FIGNL2: variants seen among roughly 807,000 people sequenced by gnomAD.
FIGNL2 encodes fidgetin-like protein 2.
For synonymous variants in FIGNL2, 565 were observed against 484.0 expected (o/e 1.17, Z -2.20); for missense variants, 1,060 against 950.2 (o/e 1.12, Z -1.52).
At chr12:51,845,029 AG>A (rs1306881236) in intron 1 of FIGNL2, 2 of 243,598 alleles carry the variant, frequency 8.2e-6, no homozygotes, top group Non-Finnish European at 1.3e-5. Context: ...CATGGGCTTC[AG>A]GGGATCCAAG....
chr12:51,821,762 C>T lies in FIGNL2; in HGVS notation c.652G>A (p.Ala218Thr). 6 of 1,280,410 alleles carry T rather than the reference C, an allele frequency of 4.7e-6. No homozygotes were observed. Among genetic ancestry groups the T allele is most frequent in the Non-Finnish European group, 5.9e-6 (6 of 1,020,280 alleles). 79.3% of individuals were successfully genotyped at this position (1,280,410 alleles called of 1,614,324 possible). The change falls in exon 2 of 2, where the codon GCG becomes ACG. Residue 218 changes from alanine (A) to threonine (T), a missense_variant. Physicochemically the swap from Ala to Thr is moderately conservative, Grantham distance 58. Coordinates refer to ENST00000618634, the MANE Select transcript of FIGNL2 (RefSeq NM_001384995.1). ...GGYAAQPGYG[A>T]LPPPPGPPPA... The stretch of plus-strand genomic sequence containing the variant: ...GGTGGGCCTGGGGGCGGCGGGAGCG[C>T]GCCATAGCCGGGCTGCGCTGCGTAG...
intron 1 of FIGNL2, chr12:51,845,462 C>T: frequency 1.2e-6 from 1 of 812,268 alleles, no homozygotes; most frequent in Non-Finnish European, 1.4e-6. Flanking sequence ...GGCTCACCGC[C>T]CCCCCCCCAC....
Position 51,821,234 on chromosome 12 carries a change from C to T in FIGNL2, c.1180G>A (p.Val394Met). The T allele has an allele frequency of 6.6e-7, 1 of 1,525,106 alleles. No individual in the cohort carries two copies. Among genetic ancestry groups the T allele is most frequent in the South Asian group, 1.2e-5 (1 of 83,302 alleles). The allele number at this position is 1,525,106 out of a possible 1,614,324, so 94.5% of individuals were successfully genotyped here. A position where few individuals can be genotyped will look rare whatever the true frequency, so the allele number is the denominator to read the frequency against. ...GCCTTGAGCGCGCCCTGGCCCGCCA[C>T]ATCCGCCCACTGCACCGGGGGCCCG... Reference protein sequence around the residue: ...DCGPPVQWADVAGQGALKAAL... With the variant: ...DCGPPVQWADMAGQGALKAAL... The change falls in exon 2 of 2, where the codon GTG (valine) becomes ATG (methionine). Residue 394 changes from valine to methionine, a missense_variant. Transcript: ENST00000618634.
chr12:51,832,730 C>T (rs1265022254), intron 1 of FIGNL2, among the ~76,000 whole-genome samples: 1 of 152,190 alleles, frequency 6.6e-6, no homozygotes, highest in East Asian at 1.9e-4. Context: ...AAACATAGTT[C>T]TCCAGCTGAG....
At position 51,848,614 on chromosome 12, in the gene FIGNL2, G is replaced by C. The variant is rs1939802756; in HGVS notation, c.-86C>G. On this transcript the variant is annotated 5_prime_UTR_variant, in exon 1 of 2. Coordinates refer to ENST00000618634, the MANE Select transcript of FIGNL2 (RefSeq NM_001384995.1). ...GTCCGGCCCGGGGACCGGGGCGGCGGCGCGGGCCGGGGGCGACAGGCCTGG... is the reference window on the plus strand; with the variant it reads ...GTCCGGCCCGGGGACCGGGGCGGCGCCGCGGGCCGGGGGCGACAGGCCTGG... 1 of 867,650 alleles carries C rather than the reference G, an allele frequency of 1.2e-6. No individual in the cohort carries two copies. Among genetic ancestry groups the C allele is most frequent in the African/African-American group, 1.8e-5 (1 of 54,580 alleles). 53.7% of individuals were successfully genotyped at this position (867,650 alleles called of 1,614,324 possible).
rs562407325 is a variant in FIGNL2 at position 51,847,690 on chromosome 12, G to A, written c.-12+850C>T. ...CTGGCGGGGGCAGGGGGACCAGCGG[G>A]GCTGGGGAAGGGCACCAGCATTTGC... is the stretch of plus-strand genomic sequence containing the variant. On this transcript the variant is annotated intron_variant, in intron 1 of 1. Transcript: ENST00000618634. 2.2e-4 allele frequency: 213 copies of A among 985,424 alleles called. 6 individuals are homozygous for A. The South Asian group carries it at 9.2e-3, about 42-fold the overall frequency. 61.0% of individuals were successfully genotyped at this position (985,424 alleles called of 1,614,324 possible).
chr12:51,846,475 A>T (rs755959529), intron 1 of FIGNL2, among the ~76,000 whole-genome samples: 7 of 152,346 alleles, frequency 4.6e-5, no homozygotes, highest in Non-Finnish European at 7.3e-5. Flanking sequence ...CAGGCAGGGC[A>T]GGGAGGGGAG....
At chr12:51,841,992 C>T (rs559807071) in intron 1 of FIGNL2, 4 of 152,352 alleles carry the variant, frequency 2.6e-5, no homozygotes, top group East Asian at 1.9e-4. Flanking sequence ...TGGAGGCACT[C>T]GGCACCAGAG....
chr12:51,826,344 A>G (rs2138979736), intron 1 of FIGNL2, among the ~76,000 whole-genome samples: 1 of 152,116 alleles, frequency 6.6e-6, no homozygotes, highest in South Asian at 2.1e-4. Context: ...TAATCTAACC[A>G]GGGGCCAGGC....
intron 1 of FIGNL2, chr12:51,846,990 G>A: frequency 2.2e-6 from 1 of 448,366 alleles, no homozygotes; most frequent in South Asian, 9.6e-5. Context: ...AGCAAGCCCC[G>A]CCCCTTTCCT....
chr12:51,841,441 C>G (rs1939659202), intron 1 of FIGNL2: 1 of 152,244 alleles, frequency 6.6e-6, no homozygotes, highest in South Asian at 2.1e-4. Context: ...CAAGCTGGGA[C>G]AGATGCCACC....
intron 1 of FIGNL2, among the ~76,000 whole-genome samples, chr12:51,825,619 C>CT (rs770930359): frequency 0.09 from 12,187 of 134,756 alleles, 844 homozygotes; most frequent in East Asian, 0.35. Context: ...CCATGACACT[C>CT]TTTTTTTTTT....
In FIGNL2 at chr12:51,822,008, C is replaced by T. The variant is rs1170643625; in HGVS notation, c.406G>A (p.Ala136Thr). 3 of 1,595,384 alleles carry T rather than the reference C, an allele frequency of 1.9e-6. No individual in the cohort carries two copies. Among genetic ancestry groups the T allele is most frequent in the Non-Finnish European group, 2.6e-6 (3 of 1,172,052 alleles). Residue 136 changes from alanine (A) to threonine (T), a missense_variant, in exon 2 of 2, where the codon GCC becomes ACC. Coordinates refer to ENST00000618634, the MANE Select transcript of FIGNL2 (RefSeq NM_001384995.1). ...TAGAGGGGTTCAGGGAGGTTCCCGG[C>T]TAAAACTGGGGAGCCCCCCAGGGCC... ...SGALGGSPVL[A>T]GNLPEPLYAG...
intron 1 of FIGNL2, among the ~76,000 whole-genome samples, chr12:51,834,078 T>TAGAC (rs67920844): frequency 2.2e-5 from 1 of 46,060 alleles, no homozygotes; most frequent in Admixed American, 3.2e-4. Flanking sequence ...GATGGATGAA[T>TAGAC]AGACAGACAG....
Position 51,821,769 on chromosome 12 carries a change from G to C in FIGNL2, c.645C>G (p.Gly215=). The change falls in exon 2 of 2, where the codon GGC becomes GGG. Residue 215 remains glycine, a synonymous_variant. Coordinates refer to ENST00000618634, the MANE Select transcript of FIGNL2 (RefSeq NM_001384995.1). ...YPAGGYAAQP[G]YGALPPPPGP... Reference sequence around the variant, plus strand: ...CTGGGGGCGGCGGGAGCGCGCCATAGCCGGGCTGCGCTGCGTAGCCCCCTG... The same window carrying C: ...CTGGGGGCGGCGGGAGCGCGCCATACCCGGGCTGCGCTGCGTAGCCCCCTG... 2 of 1,279,418 alleles carry C rather than the reference G, an allele frequency of 1.6e-6. No homozygotes were observed. The highest frequency in any genetic ancestry group is 2.0e-6 in the Non-Finnish European group (2 of 1,019,576). 79.3% of individuals were successfully genotyped at this position (1,279,418 alleles called of 1,614,324 possible).
At chr12:51,839,367 C>T (rs972224653) in intron 1 of FIGNL2, among the ~76,000 whole-genome samples, 4 of 152,128 alleles carry the variant, frequency 2.6e-5, no homozygotes, top group Admixed American at 6.5e-5. Flanking sequence ...TCTCTCCAGC[C>T]TCCACTCATC....
Position 51,821,355 on chromosome 12 carries a change from CG to C in FIGNL2, c.1058del (p.Pro353ArgfsTer26). 2 of 1,501,140 alleles carry C rather than the reference CG, an allele frequency of 1.3e-6. No homozygotes were observed. The allele number at this position is 1,501,140 out of a possible 1,614,324, so 93.0% of individuals were successfully genotyped here. The stretch of plus-strand genomic sequence containing the variant: ...GCACGGCGAACCCCCCACGAGGAGC[CG>C]GGGCCCGCTCCGGGAACTTTTCAAA... ...EPFEKFPERA[P>X]APRGGFAVPS... On this transcript the variant is annotated frameshift_variant, in exon 2 of 2. Coordinates refer to ENST00000618634, the MANE Select transcript of FIGNL2 (RefSeq NM_001384995.1). LOFTEE classifies it low-confidence loss of function (END_TRUNC).
Position 51,821,867 on chromosome 12 carries a change from G to A in FIGNL2, c.547C>T (p.Pro183Ser), listed in dbSNP as rs868384321. Residue 183 changes from proline to serine, a missense_variant, in exon 2 of 2, where the codon CCC becomes TCC. Physicochemically the swap from Pro to Ser is moderately conservative, Grantham distance 74. Coordinates refer to ENST00000618634, the MANE Select transcript of FIGNL2 (RefSeq NM_001384995.1). Reference sequence around the variant, plus strand: ...GGGGGCTGCAGGAGCGCGGCCGGGGGCGGCGGGGGCAGCGCGGCGCCCGTC... The same window carrying A: ...GGGGGCTGCAGGAGCGCGGCCGGGGACGGCGGGGGCAGCGCGGCGCCCGTC... ...AQTGAALPPP[P>S]PAALLQPPPP... is the part of the protein sequence containing the mutation. 7.1e-5 allele frequency: 92 copies of A among 1,298,746 alleles called. No homozygotes were observed. The South Asian group carries it at 1.5e-3, about 22-fold the overall frequency. The allele number at this position is 1,298,746 out of a possible 1,614,324, so 80.5% of individuals were successfully genotyped here. A position where few individuals can be genotyped will look rare whatever the true frequency, so the allele number is the denominator to read the frequency against.
chr12:51,820,531 G>A lies in FIGNL2; in HGVS notation c.1883C>T (p.Ala628Val). The change falls in exon 2 of 2, where the codon GCC (alanine) becomes GTC (valine). Residue 628 changes from alanine to valine, a missense_variant. Ala to Val is a moderately conservative substitution (Grantham distance 64). Coordinates refer to ENST00000618634, the MANE Select transcript of FIGNL2 (RefSeq NM_001384995.1). ...GGCAGAGGCCCTAGGGCCCACCTTGGCCAGCGCCGCCTCCAGGTCCTTGTA... is the reference window on the plus strand; with the variant it reads ...GGCAGAGGCCCTAGGGCCCACCTTGACCAGCGCCGCCTCCAGGTCCTTGTA... Reference protein sequence around the residue: ...LSYKDLEAALAKVGPRASAKE... With the variant: ...LSYKDLEAALVKVGPRASAKE... The A allele has an allele frequency of 5.1e-6, 8 of 1,556,372 alleles. No individual in the cohort carries two copies. The highest frequency in any genetic ancestry group is 2.4e-5 in the East Asian group (1 of 42,184).
Sources: allele counts gnomAD v4.1 joint callset (sites outside exome capture counted in the v4.1 genomes callset), GRCh38; gene constraint gnomAD v4.1.1; transcripts MANE v1.5; gene names NCBI Gene and HGNC (gene_info 2026-07-23, HGNC 2026-07-21).